SORCS3: variants seen among roughly 807,000 people sequenced by gnomAD.
The protein encoded by SORCS3 is VPS10 domain-containing receptor SorCS3.
A neutral mutation model predicts 146.3 loss-of-function variants in SORCS3; 57 were observed. The observed-to-expected ratio is 0.39, with a 90% CI of 0.31 to 0.49. The LOEUF is 0.49. Among genes scored for constraint, SORCS3 ranks in the 20% least tolerant of loss-of-function variants. The pLI, the probability that SORCS3 is intolerant of heterozygous loss-of-function variation, is 0.92. For missense variants in SORCS3, 1,341 were observed against 1,575.5 expected (o/e 0.85, Z 2.52); for synonymous variants, 653 against 618.5 (o/e 1.06, Z -0.83).
At chr10:104,829,032 T>C (rs2017972313) in intron 1 of SORCS3, among the ~76,000 whole-genome samples, 1 of 152,206 alleles carries the variant, frequency 6.6e-6, no homozygotes, top group South Asian at 2.1e-4. Flanking sequence ...TCATCCACTG[T>C]GAGGATGTCC....
rs749957541 is a variant in SORCS3, at chr10:105,164,411, G to A, written c.1809+32G>A. On this transcript the variant is annotated intron_variant, in intron 12 of 26. Coordinates refer to ENST00000369701, the MANE Select transcript of SORCS3 (RefSeq NM_014978.3). The stretch of plus-strand genomic sequence containing the variant: ...GGGTGAATTGACAAAAAGGGAGGAG[G>A]CATTTAGAGTAAGTTCTACCAATCT... 6 of 1,431,708 alleles carry A rather than the reference G, an allele frequency of 4.2e-6. No individual in the cohort carries two copies. In the South Asian group the frequency reaches 5.7e-5, roughly 14 times the overall value. 88.7% of individuals were successfully genotyped at this position (1,431,708 alleles called of 1,614,324 possible).
intron 7 of SORCS3, among the ~76,000 whole-genome samples, chr10:105,121,507 G>A (rs762352044): frequency 3.9e-5 from 6 of 152,172 alleles, no homozygotes; most frequent in Middle Eastern, 3.4e-3. Flanking sequence ...TTCTCATTTC[G>A]TTTTTCTCTG....
chr10:105,116,006 G>C (rs2055891319), intron 7 of SORCS3, among the ~76,000 whole-genome samples: 1 of 152,172 alleles, frequency 6.6e-6, no homozygotes. Flanking sequence ...AGTGCTTTCA[G>C]AATCTTAAGT....
chr10:105,108,938 T>G (rs1032025348), intron 7 of SORCS3, among the ~76,000 whole-genome samples: 12 of 152,216 alleles, frequency 7.9e-5, no homozygotes, highest in Non-Finnish European at 1.5e-4. Context: ...AGATATGACA[T>G]ATATGTCTTA....
At chr10:104,700,424 C>A (rs1012240943) in intron 1 of SORCS3, among the ~76,000 whole-genome samples, 2 of 152,064 alleles carry the variant, frequency 1.3e-5, no homozygotes, top group African/African-American at 4.8e-5. Context: ...AACGTGTGTT[C>A]TGGCAATTTA....
intron 2 of SORCS3, among the ~76,000 whole-genome samples, chr10:104,866,858 C>T (rs1336854031): frequency 5.9e-5 from 9 of 152,150 alleles, no homozygotes; most frequent in Non-Finnish European, 8.8e-5. Flanking sequence ...TCACTCATCA[C>T]GCTGGTTCTG....
intron 3 of SORCS3, among the ~76,000 whole-genome samples, chr10:104,958,927 G>C (rs2133633183): frequency 6.6e-6 from 1 of 152,160 alleles, no homozygotes; most frequent in Non-Finnish European, 1.5e-5. Flanking sequence ...ACTGTCACGA[G>C]AACAGCATGG....
chr10:104,896,081 GCC>G (rs1227222404), intron 2 of SORCS3, among the ~76,000 whole-genome samples: 11 of 151,864 alleles, frequency 7.2e-5, no homozygotes, highest in African/African-American at 2.2e-4. Flanking sequence ...GAGTTTTCTG[GCC>G]AGAGTCCATT....
At chr10:104,964,343 G>A (rs1483403797) in intron 3 of SORCS3, among the ~76,000 whole-genome samples, 1 of 152,044 alleles carries the variant, frequency 6.6e-6, no homozygotes, top group African/African-American at 2.4e-5. Flanking sequence ...TCCCAATGAG[G>A]CCTTTCCTGA....
chr10:104,705,494 T>G (rs2016326559), intron 1 of SORCS3, among the ~76,000 whole-genome samples: 1 of 152,210 alleles, frequency 6.6e-6, no homozygotes, highest in Admixed American at 6.5e-5. Context: ...TTAACTAAAC[T>G]TTGACAGAAG....
intron 22 of SORCS3, among the ~76,000 whole-genome samples, chr10:105,248,671 C>T (rs983577946): frequency 1.7e-4 from 25 of 147,878 alleles, no homozygotes; most frequent in Admixed American, 1.6e-3. Context: ...CGAGATATTG[C>T]GCCACTGCAC....
At chr10:105,012,596 C>T (rs2055141924) in intron 4 of SORCS3, among the ~76,000 whole-genome samples, 1 of 152,128 alleles carries the variant, frequency 6.6e-6, no homozygotes, top group Non-Finnish European at 1.5e-5. Flanking sequence ...ATTCACACTC[C>T]ACCCTCTGGT....
intron 5 of SORCS3, among the ~76,000 whole-genome samples, chr10:105,062,947 G>T (rs1345129227): frequency 2.6e-5 from 4 of 152,160 alleles, no homozygotes; most frequent in Non-Finnish European, 5.9e-5. Context: ...GTCACCTCAC[G>T]TATGGTTGCT....
intron 6 of SORCS3, 60 bp downstream of exon 6, chr10:105,089,899 C>A: frequency 7.4e-7 from 1 of 1,346,256 alleles, no homozygotes; most frequent in Non-Finnish European, 1.1e-6. Context: ...CTCTGTCCTC[C>A]CCCAATTTGC....
At chr10:104,654,058 G>A (rs1259525447) in intron 1 of SORCS3, among the ~76,000 whole-genome samples, 1 of 152,064 alleles carries the variant, frequency 6.6e-6, no homozygotes, top group African/African-American at 2.4e-5. Flanking sequence ...TGCCATGTGT[G>A]TCTTTTGGTG....
chr10:104,940,239 T>TATACATATATATA (rs1554861474), intron 3 of SORCS3, among the ~76,000 whole-genome samples: 3 of 14,512 alleles, frequency 2.1e-4, no homozygotes, highest in African/African-American at 6.5e-4. Flanking sequence ...TATATATATA[T>TATACATATATATA]TTTTTTTTTT....
At chr10:104,879,703 G>A (rs2018612429) in intron 2 of SORCS3, among the ~76,000 whole-genome samples, 1 of 152,148 alleles carries the variant, frequency 6.6e-6, no homozygotes, top group South Asian at 2.1e-4. Flanking sequence ...CACTTGATGA[G>A]CAAAAGGGGT....
At chr10:104,847,135 C>T (rs748624935) in intron 2 of SORCS3, among the ~76,000 whole-genome samples, 22 of 152,152 alleles carry the variant, frequency 1.4e-4, no homozygotes, top group Admixed American at 5.9e-4. Flanking sequence ...ATATTTATGC[C>T]CTCTGCACTC....
At chr10:104,694,588 G>T (rs1196364386) in intron 1 of SORCS3, among the ~76,000 whole-genome samples, 2 of 152,088 alleles carry the variant, frequency 1.3e-5, no homozygotes, top group African/African-American at 4.8e-5. Context: ...CTCCCTGGGG[G>T]CAGCCTGTGT....
Sources: gnomAD v4.1 joint callset for allele counts (sites outside exome capture counted in the v4.1 genomes callset) on GRCh38, gnomAD v4.1.1 for gene constraint, MANE v1.5 for transcripts, NCBI Gene and HGNC (gene_info 2026-07-23, HGNC 2026-07-21) for gene names.